Variants in GNAL observed in about 807,000 individuals in gnomAD.
GNAL encodes G protein subunit alpha L.
GNAL carries 18 observed loss-of-function variants against 55.1 expected under a neutral mutation model. The observed-to-expected ratio is 0.33, with a 90% confidence interval of 0.23 to 0.48. The LOEUF (loss-of-function observed/expected upper bound fraction) is 0.48, where lower values mean the gene tolerates loss of function less well. Among genes scored for constraint, GNAL ranks in the 20% least tolerant of loss-of-function variants. GNAL has a pLI of 0.99. For missense variants in GNAL, 412 were observed against 614.1 expected (o/e 0.67, Z 3.48); for synonymous variants, 253 against 237.0 (o/e 1.07, Z -0.62).
In GNAL at chr18:11,689,620, C is replaced by T; in HGVS notation, c.57C>T (p.Pro19=). The stretch of plus-strand genomic sequence containing the variant: ...TTTTCGGGGGCCCAGGGGACGACCC[C>T]TGCGCGGCCTCGGAGCCGCCGGTGG... The part of the protein sequence containing the change: ...PLLFGGPGDD[P]CAASEPPVED... Residue 19 remains proline, a synonymous_variant, in exon 1 of 12, where the codon CCC becomes CCT. Coordinates refer to ENST00000334049, the MANE Select transcript of GNAL (RefSeq NM_182978.4). 7.4e-7 allele frequency: 1 copy of T among 1,358,792 alleles called. No individual in the cohort carries two copies. The highest frequency in any genetic ancestry group is 9.4e-7 in the Non-Finnish European group (1 of 1,066,298). The allele number at this position is 1,358,792 out of a possible 1,614,324, so 84.2% of individuals were successfully genotyped here.
At chr18:11,810,161 C>G (rs2034773021) in intron 4 of GNAL, among the ~76,000 whole-genome samples, 2 of 152,362 alleles carry the variant, frequency 1.3e-5, no homozygotes, top group Admixed American at 1.3e-4. Flanking sequence ...GAGGCCGAGA[C>G]AGATGCATTG....
At chr18:11,750,747 C>T (rs1391964316) in intron 1 of GNAL, among the ~76,000 whole-genome samples, 1 of 152,058 alleles carries the variant, frequency 6.6e-6, no homozygotes, top group Non-Finnish European at 1.5e-5. Flanking sequence ...CGGAGTCAGA[C>T]GACCTTTCTA....
At chr18:11,832,566 G>A (rs1468427610) in intron 5 of GNAL, among the ~76,000 whole-genome samples, 1 of 152,140 alleles carries the variant, frequency 6.6e-6, no homozygotes, top group African/African-American at 2.4e-5. Flanking sequence ...ATTTTAAAAT[G>A]AAAGGAATTG....
chr18:11,733,060 C>G (rs559217196), intron 1 of GNAL, among the ~76,000 whole-genome samples: 2 of 152,228 alleles, frequency 1.3e-5, no homozygotes, highest in South Asian at 4.2e-4. Context: ...TTGTCTGGTC[C>G]GCTGTGGACA....
intron 5 of GNAL, among the ~76,000 whole-genome samples, chr18:11,827,937 C>T (rs2035289311): frequency 6.7e-6 from 1 of 150,262 alleles, no homozygotes; most frequent in South Asian, 2.1e-4. Flanking sequence ...CGCCACTGCA[C>T]TCCAGCCTGG....
Position 11,689,646 on chromosome 18 carries a change from A to G in GNAL, c.83A>G (p.Glu28Gly). Reference protein sequence around the residue: ...DPCAASEPPVEDAQPAPAPAL... With the variant: ...DPCAASEPPVGDAQPAPAPAL... ...TGCGCGGCCTCGGAGCCGCCGGTGG[A>G]GGACGCGCAGCCCGCCCCGGCCCCG... Residue 28 changes from glutamate (E) to glycine (G), a missense_variant, in exon 1 of 12, where the codon GAG (glutamate) becomes GGG (glycine). By Grantham distance (98) the Glu-to-Gly change is moderately conservative. Transcript: ENST00000334049. The G allele has an allele frequency of 7.2e-7, 1 of 1,393,540 alleles. No individual in the cohort carries two copies. 86.3% of individuals were successfully genotyped at this position (1,393,540 alleles called of 1,614,324 possible). A position where few individuals can be genotyped will look rare whatever the true frequency, so the allele number is the denominator to read the frequency against.
chr18:11,884,462 T>C lies in GNAL; in HGVS notation c.*3327T>C. 1 of 1,614,066 alleles carries C rather than the reference T, an allele frequency of 6.2e-7. No individual in the cohort carries two copies. Among genetic ancestry groups the C allele is most frequent in the Non-Finnish European group, 8.5e-7 (1 of 1,180,002 alleles). ...CCTGCTCTTCATCTTGTCTTACGCTTTCCGAGCAAGTTCAAACCAGAAAGA... is the reference window on the plus strand; with the variant it reads ...CCTGCTCTTCATCTTGTCTTACGCTCTCCGAGCAAGTTCAAACCAGAAAGA... On this transcript the variant is annotated 3_prime_UTR_variant, in exon 12 of 12. Coordinates refer to ENST00000334049, the MANE Select transcript of GNAL (RefSeq NM_182978.4).
intron 5 of GNAL, among the ~76,000 whole-genome samples, chr18:11,836,615 A>G (rs913497599): frequency 3.3e-5 from 5 of 152,312 alleles, no homozygotes; most frequent in African/African-American, 1.2e-4. Context: ...TAACCCAATG[A>G]GTTCATTATC....
rs1404684855 is a variant in GNAL, at chr18:11,793,226, ATG to A, written c.625-31691_625-31690del. On this transcript the variant is annotated intron_variant, in intron 4 of 11. Coordinates refer to ENST00000334049, the MANE Select transcript of GNAL (RefSeq NM_182978.4). ...AGAAAGCAAAAAGACAATCCACAGA[ATG>A]AGATAAATATTTGTAAACTGTGTAT... Among the ~76,000 whole-genome samples the A allele has an allele frequency of 4.6e-5, 7 of 152,232 alleles. 1 individual carries two copies. The highest frequency in any genetic ancestry group is 1.5e-5 in the Non-Finnish European group (1 of 68,044).
chr18:11,864,614 T>G lies in GNAL; in HGVS notation c.851+8T>G. 6.8e-7 allele frequency: 1 copy of G among 1,477,202 alleles called. No homozygotes were observed. 91.5% of individuals were successfully genotyped at this position (1,477,202 alleles called of 1,614,324 possible). ...GGACAAAGTAAACTTCCAGTGAGTA[T>G]GTTGTTAAGAGCTGCATGGCCCAGG... On this transcript the variant is annotated splice_region_variant and intron_variant, in intron 7 of 11. Transcript: ENST00000334049.
chr18:11,734,834 C>T (rs889031228), intron 1 of GNAL, among the ~76,000 whole-genome samples: 3 of 150,078 alleles, frequency 2.0e-5, no homozygotes, highest in Admixed American at 6.7e-5. Context: ...CCACAGCAAC[C>T]AGGCAGGAAG....
intron 1 of GNAL, among the ~76,000 whole-genome samples, chr18:11,749,525 T>G (rs1372237108): frequency 6.6e-6 from 1 of 152,088 alleles, no homozygotes; most frequent in Non-Finnish European, 1.5e-5. Flanking sequence ...TTGACAAATA[T>G]TCCCAGCGCA....
chr18:11,784,314 G>C (rs117840250), intron 4 of GNAL, among the ~76,000 whole-genome samples: 1 of 152,306 alleles, frequency 6.6e-6, no homozygotes, highest in East Asian at 1.9e-4. Context: ...AGTCTCCCTT[G>C]TCATCCACCA....
intron 1 of GNAL, among the ~76,000 whole-genome samples, chr18:11,700,913 A>G (rs1020104359): frequency 4.6e-5 from 7 of 152,246 alleles, no homozygotes; most frequent in Admixed American, 4.6e-4. Context: ...TTTGAGTCAC[A>G]AGGGAAAAGG....
intron 2 of GNAL, 138 bp downstream of exon 2, chr18:11,753,063 G>T: frequency 3.5e-6 from 2 of 577,750 alleles, no homozygotes; most frequent in South Asian, 2.2e-5. Flanking sequence ...TTAGATATTT[G>T]CTGTTGGATT....
intron 1 of GNAL, among the ~76,000 whole-genome samples, chr18:11,727,188 C>G (rs1568000043): frequency 1.3e-5 from 2 of 152,130 alleles, no homozygotes; most frequent in Admixed American, 6.5e-5. Flanking sequence ...AAGGCCCTTC[C>G]CTAGGCTCAG....
chr18:11,884,115 A>C lies in GNAL; in HGVS notation c.*2980A>C. Reference sequence around the variant, plus strand: ...ATAATCCCAAGTGTGTGCTGGGGCCACCAGGCCCTTCCTGGGGGAACAAGG... The same window carrying C: ...ATAATCCCAAGTGTGTGCTGGGGCCCCCAGGCCCTTCCTGGGGGAACAAGG... On this transcript the variant is annotated 3_prime_UTR_variant, in exon 12 of 12. Coordinates refer to ENST00000334049, the MANE Select transcript of GNAL (RefSeq NM_182978.4). 1 of 248,178 alleles carries C rather than the reference A, an allele frequency of 4.0e-6. No homozygotes were observed. The highest frequency in any genetic ancestry group is 8.0e-6 in the Non-Finnish European group (1 of 125,786). 15.4% of individuals were successfully genotyped at this position (248,178 alleles called of 1,614,324 possible). A position where few individuals can be genotyped will look rare whatever the true frequency, so the allele number is the denominator to read the frequency against.
intron 1 of GNAL, among the ~76,000 whole-genome samples, chr18:11,716,849 C>A (rs575459194): frequency 2.0e-5 from 3 of 152,250 alleles, no homozygotes; most frequent in Admixed American, 6.5e-5. Context: ...AAGTTCTCCA[C>A]GTCCCCACCA....
At chr18:11,827,886 G>A in intron 5 of GNAL, among the ~76,000 whole-genome samples, 1 of 151,774 alleles carries the variant, frequency 6.6e-6, no homozygotes, top group African/African-American at 2.4e-5. Context: ...CAGGGGAATG[G>A]CGTGAACCCG....
Sources: gnomAD v4.1 joint callset for allele counts (sites outside exome capture counted in the v4.1 genomes callset) on GRCh38, gnomAD v4.1.1 for gene constraint, MANE v1.5 for transcripts, NCBI Gene and HGNC (gene_info 2026-07-23, HGNC 2026-07-21) for gene names.